Variants in CLEC18B observed in about 807,000 individuals in gnomAD.
The protein encoded by CLEC18B is C-type lectin domain family 18 member B, also known as mannose receptor-like 2.
CLEC18B carries 5 observed loss-of-function variants against 60.4 expected under a neutral mutation model. The ratio of observed to expected loss-of-function variants is 0.08; its 90% CI spans 0.04 to 0.17. The LOEUF (loss-of-function observed/expected upper bound fraction) is 0.17, where lower values mean the gene tolerates loss of function less well. Ranked by LOEUF, CLEC18B falls within the 10% of genes least tolerant of loss-of-function variation. The probability of loss-of-function intolerance (pLI) is 1.00; values close to 1 mark genes in which losing one functional copy is unlikely to be tolerated. For synonymous variants in CLEC18B, 16 were observed against 221.2 expected, an observed-to-expected ratio of 0.07 and a Z score of 8.23; for missense variants, 26 against 572.8, an observed-to-expected ratio of 0.05 and a Z score of 9.74.
chr16:74,423,426 T>C (rs1474165377), upstream of CLEC18B, among the ~76,000 whole-genome samples: 2 of 152,410 alleles, frequency 1.3e-5, no homozygotes, highest in African/African-American at 2.4e-5. Context: ...TGATGGCTCA[T>C]GCCTGTAATC....
chr16:74,409,887 A>T, intron 10 of CLEC18B: 1 of 1,609,938 alleles, frequency 6.2e-7, no homozygotes, highest in Non-Finnish European at 8.5e-7. Context: ...GCCTGTGGGG[A>T]TGGTGGGGAT....
intron 10 of CLEC18B, among the ~76,000 whole-genome samples, chr16:74,410,181 C>T (rs1230188457): frequency 1.3e-5 from 2 of 152,292 alleles, no homozygotes; most frequent in Non-Finnish European, 2.9e-5. Context: ...AGGTGGGTGA[C>T]AGCTAAGGAA....
chr16:74,418,715 C>T (rs561684063), intron 2 of CLEC18B, among the ~76,000 whole-genome samples: 1 of 152,386 alleles, frequency 6.6e-6, no homozygotes, highest in South Asian at 2.1e-4. Flanking sequence ...TACAGCCACA[C>T]CTCTCTGCCC....
chr16:74,420,917 G>A (rs1472870051), intron 1 of CLEC18B, among the ~76,000 whole-genome samples: 5 of 115,748 alleles, frequency 4.3e-5, no homozygotes, highest in East Asian at 5.5e-4. Flanking sequence ...GCTCCTCGGC[G>A]TTCCTCCTTG....
intron 2 of CLEC18B, among the ~76,000 whole-genome samples, chr16:74,419,270 C>A (rs1454551698): frequency 2.0e-5 from 3 of 152,224 alleles, no homozygotes; most frequent in African/African-American, 7.2e-5. Context: ...CGGGGCTGCA[C>A]CCCAAGCCAA....
At position 74,416,234 on chromosome 16, in the gene CLEC18B, G is replaced by A. The variant is rs144657645; in HGVS notation, c.456+1825C>T. Among the ~76,000 whole-genome samples, 1,328 of 144,218 alleles carry A rather than the reference G, an allele frequency of 9.2e-3. 29 individuals are homozygous for A. The highest frequency in any genetic ancestry group is 0.03 in the African/African-American group (1,214 of 40,682). The allele number at this position is 144,218 out of a possible 152,430, so 94.6% of individuals were successfully genotyped here. On this transcript the variant is annotated intron_variant, in intron 3 of 11. Transcript: ENST00000682950. ...GCCGAGATCGCACCACTGCACAGCAGCCTGCGCGACAGAGCGAGACTCCGT... is the reference window on the plus strand; with the variant it reads ...GCCGAGATCGCACCACTGCACAGCAACCTGCGCGACAGAGCGAGACTCCGT...
intron 2 of CLEC18B, among the ~76,000 whole-genome samples, chr16:74,419,135 C>A (rs1201706816): frequency 1.3e-5 from 2 of 152,284 alleles, no homozygotes; most frequent in African/African-American, 4.8e-5. Context: ...AATCACCACC[C>A]CTGGGTGACT....
intron 2 of CLEC18B, among the ~76,000 whole-genome samples, chr16:74,418,983 G>A (rs533468038): frequency 5.5e-4 from 84 of 152,316 alleles, no homozygotes; most frequent in African/African-American, 1.8e-3. Flanking sequence ...TAGTAGAGAC[G>A]GGGTTTCACC....
intron 10 of CLEC18B, among the ~76,000 whole-genome samples, chr16:74,410,099 C>T (rs1433891441): frequency 2.0e-5 from 3 of 152,292 alleles, no homozygotes; most frequent in Admixed American, 6.5e-5. Context: ...GGTGGGGCCA[C>T]GTGACCAGAG....
chr16:74,416,433 C>T (rs570605114), intron 3 of CLEC18B, among the ~76,000 whole-genome samples: 212 of 152,046 alleles, frequency 1.4e-3, no homozygotes, highest in African/African-American at 5.0e-3. Flanking sequence ...AGTGCAATGG[C>T]GCAGTCTCAG....
chr16:74,423,391 T>C (rs1451395137), upstream of CLEC18B, among the ~76,000 whole-genome samples: 1 of 152,254 alleles, frequency 6.6e-6, no homozygotes, highest in African/African-American at 2.4e-5. Context: ...CCTGGCTCAC[T>C]GCAAGAAGAG....
intron 2 of CLEC18B, among the ~76,000 whole-genome samples, chr16:74,420,149 C>T (rs2013615247): frequency 6.6e-6 from 1 of 150,890 alleles, no homozygotes; most frequent in African/African-American, 2.4e-5. Flanking sequence ...CCCGGCCGCC[C>T]ATCCTGCAGG....
At chr16:74,419,985 C>G (rs1357787750) in intron 2 of CLEC18B, among the ~76,000 whole-genome samples, 1 of 152,282 alleles carries the variant, frequency 6.6e-6, no homozygotes, top group Non-Finnish European at 1.5e-5. Flanking sequence ...CGACCCCTGG[C>G]CCCTGCTGAA....
chr16:74,422,821 C>T (rs1170478939), upstream of CLEC18B, among the ~76,000 whole-genome samples: 3 of 152,120 alleles, frequency 2.0e-5, no homozygotes, highest in Non-Finnish European at 2.9e-5. Context: ...TGCCACCATG[C>T]CTGGCTAATT....
chr16:74,414,483 A>G (rs2013337138), intron 3 of CLEC18B, among the ~76,000 whole-genome samples: 1 of 148,202 alleles, frequency 6.7e-6, no homozygotes, highest in Non-Finnish European at 1.5e-5. Flanking sequence ...GCCTTAAGAG[A>G]CCTTGCCATT....
intron 3 of CLEC18B, among the ~76,000 whole-genome samples, chr16:74,414,144 G>C (rs553955810): frequency 6.6e-6 from 1 of 152,422 alleles, no homozygotes; most frequent in African/African-American, 2.4e-5. Context: ...CAAAGTGCTG[G>C]GATTATAGGT....
upstream of CLEC18B, among the ~76,000 whole-genome samples, chr16:74,423,422 C>T (rs1254929932): frequency 5.9e-5 from 9 of 152,290 alleles, no homozygotes; most frequent in East Asian, 1.2e-3. Context: ...GGTGTGATGG[C>T]TCATGCCTGT....
At chr16:74,414,731 G>A (rs1597182248) in intron 3 of CLEC18B, among the ~76,000 whole-genome samples, 1 of 133,132 alleles carries the variant, frequency 7.5e-6, no homozygotes, top group East Asian at 2.3e-4. Flanking sequence ...AAATTTTGGG[G>A]TAGTATGTCA....
At chr16:74,413,883 T>A (rs2013305894) in intron 3 of CLEC18B, among the ~76,000 whole-genome samples, 1 of 151,834 alleles carries the variant, frequency 6.6e-6, no homozygotes, top group Non-Finnish European at 1.5e-5. Context: ...TTTATTTATT[T>A]ATTTTTGAGA....
Sources: allele counts gnomAD v4.1 joint callset (sites outside exome capture counted in the v4.1 genomes callset), GRCh38; gene constraint gnomAD v4.1.1; transcripts MANE v1.5; gene names NCBI Gene and HGNC (gene_info 2026-07-23, HGNC 2026-07-21).